Variants in FKBP4 observed in about 807,000 individuals in gnomAD.
FKBP4 encodes peptidyl-prolyl cis-trans isomerase FKBP4.
FKBP4 carries 28 observed loss-of-function variants against 54.1 expected under a neutral mutation model. The observed-to-expected ratio is 0.52, with a 90% confidence interval of 0.38 to 0.71. FKBP4 has a LOEUF of 0.71. Among genes scored for constraint, FKBP4 ranks in the 30% least tolerant of loss-of-function variants. The pLI, the probability that FKBP4 is intolerant of heterozygous loss-of-function variation, is 0.00. For missense variants in FKBP4, 493 were observed against 574.4 expected (o/e 0.86, Z 1.45); for synonymous variants, 223 against 216.1 (o/e 1.03, Z -0.28).
At position 2,795,116 on chromosome 12, in the gene FKBP4, G is replaced by C. The variant is rs11548614; in HGVS notation, c.-24G>C. On this transcript the variant is annotated 5_prime_UTR_variant, in exon 1 of 10. Transcript: ENST00000001008. This position sits in a 1 kb window ranked among gnomAD's most constrained non-coding sequence, Gnocchi z 4.3. ...TGCGCTCGCGCCGGCACCAGCTCCC[G>C]GATAAACGGCGCGCCGCGCGGAGAT... 3.9e-6 allele frequency: 5 copies of C among 1,287,860 alleles called. No individual in the cohort carries two copies. The highest frequency in any genetic ancestry group is 5.0e-6 in the Non-Finnish European group (5 of 1,007,000). The allele number at this position is 1,287,860 out of a possible 1,614,324, so 79.8% of individuals were successfully genotyped here. A position where few individuals can be genotyped will look rare whatever the true frequency, so the allele number is the denominator to read the frequency against.
chr12:2,802,649 C>T (rs1452487886), intron 9 of FKBP4, among the ~76,000 whole-genome samples: 1 of 152,240 alleles, frequency 6.6e-6, no homozygotes. Flanking sequence ...GTAGTGGCTA[C>T]CATACGGGAC....
At chr12:2,796,527 C>T (rs888594783) in intron 1 of FKBP4, 85 of 985,338 alleles carry the variant, frequency 8.6e-5, no homozygotes, top group Non-Finnish European at 1.0e-4. Context: ...AATACTCCAG[C>T]CCTGGACTAA....
At position 2,798,631 on chromosome 12, in the gene FKBP4, C is replaced by G; in HGVS notation, c.394-75C>G. On this transcript the variant is annotated intron_variant, in intron 3 of 9. Coordinates refer to ENST00000001008, the MANE Select transcript of FKBP4 (RefSeq NM_002014.4). The surrounding 1 kb of genome is among the most constrained non-coding windows in gnomAD (Gnocchi z 4.3). ...CGGCCTGGCAGTTAGTAGGGACTCTCTCGGATGAGAAAGATTGTGTTTCAC... is the reference window on the plus strand; with the variant it reads ...CGGCCTGGCAGTTAGTAGGGACTCTGTCGGATGAGAAAGATTGTGTTTCAC... The G allele has an allele frequency of 6.2e-7, 1 of 1,604,708 alleles. No homozygotes were observed. Among genetic ancestry groups the G allele is most frequent in the Non-Finnish European group, 8.5e-7 (1 of 1,175,198 alleles).
At chr12:2,797,412 T>TC (rs2153919385) in intron 2 of FKBP4, 130 bp downstream of exon 2, 2 of 1,038,038 alleles carry the variant, frequency 1.9e-6, no homozygotes, top group African/African-American at 2.0e-5. Flanking sequence ...TTTCGGTCAC[T>TC]CTTTTTTTTT....
At position 2,797,162 on chromosome 12, in the gene FKBP4, A is replaced by G; in HGVS notation, c.130A>G (p.Thr44Ala). 1 of 1,613,080 alleles carries G rather than the reference A, an allele frequency of 6.2e-7. No homozygotes were observed. The highest frequency in any genetic ancestry group is 1.3e-5 in the African/African-American group (1 of 75,004). ...GGTCATCAAGAGAGAGGGCACAGGTACAGAGATGCCCATGATTGGGGACCG... is the reference window on the plus strand; with the variant it reads ...GGTCATCAAGAGAGAGGGCACAGGTGCAGAGATGCCCATGATTGGGGACCG... ...LKVIKREGTGTEMPMIGDRVF... is the reference protein window; with the variant it reads ...LKVIKREGTGAEMPMIGDRVF... Residue 44 changes from threonine to alanine, a missense_variant, in exon 2 of 10, where the codon ACA (threonine) becomes GCA (alanine). Thr to Ala is a moderately conservative substitution (Grantham distance 58). Coordinates refer to ENST00000001008, the MANE Select transcript of FKBP4 (RefSeq NM_002014.4).
At chr12:2,796,855 G>T (rs2097902139) in intron 1 of FKBP4, 1 of 1,223,226 alleles carries the variant, frequency 8.2e-7, no homozygotes, top group African/African-American at 1.5e-5. Context: ...CAAATAAAGT[G>T]TGGAGAATTT....
At position 2,797,657 on chromosome 12, in the gene FKBP4, T is replaced by C. The variant is rs575073485; in HGVS notation, c.251-72T>C. 3.9e-6 allele frequency: 6 copies of C among 1,530,542 alleles called. No homozygotes were observed. The Admixed American group carries it at 1.2e-4, about 29-fold the overall frequency. 94.8% of individuals were successfully genotyped at this position (1,530,542 alleles called of 1,614,324 possible). A position where few individuals can be genotyped will look rare whatever the true frequency, so the allele number is the denominator to read the frequency against. ...TTCCCCATGAGTGTGGTGCAGTAAC[T>C]CTTCAGGAGCACTGTTTGAGCCCAG... On this transcript the variant is annotated intron_variant, in intron 2 of 9. Transcript: ENST00000001008.
chr12:2,796,793 T>C (rs1275031067), intron 1 of FKBP4: 1 of 1,083,076 alleles, frequency 9.2e-7, no homozygotes, highest in Non-Finnish European at 1.1e-6. Flanking sequence ...AACCTTTTAC[T>C]GGTCTAATCT....
At chr12:2,797,945 C>CAGGGCCCAATG in intron 3 of FKBP4, 74 bp downstream of exon 3, 1 of 1,527,956 alleles carries the variant, frequency 6.5e-7, no homozygotes, top group African/African-American at 1.4e-5. Context: ...TGCCCTCCAG[C>CAGGGCCCAATG]CCTTCCTGCT....
Position 2,799,886 on chromosome 12 carries a change from A to C in FKBP4, c.708A>C (p.Gln236His). 1 of 1,614,156 alleles carries C rather than the reference A, an allele frequency of 6.2e-7. No individual in the cohort carries two copies. The change falls in exon 6 of 10, where the codon CAA becomes CAC. Residue 236 changes from glutamine (Q) to histidine (H), a missense_variant. By Grantham distance (24) the Gln-to-His change is conservative (BLOSUM62 0). Transcript: ENST00000001008. Reference protein sequence around the residue: ...AFGSVGKEKFQIPPNAELKYE... With the variant: ...AFGSVGKEKFHIPPNAELKYE... The stretch of plus-strand genomic sequence containing the variant: ...GCAGTGTTGGGAAGGAAAAGTTCCA[A>C]ATCCCACCAAATGCTGAGCTGAAAT...
At position 2,801,138 on chromosome 12, in the gene FKBP4, A is replaced by G; in HGVS notation, c.1054A>G (p.Asn352Asp). ...CNKALELDSN[N>D]EKGLFRRGEA... Reference sequence around the variant, plus strand: ...TTAGGCCCTAGAACTGGACAGCAACAACGAGAAGGGCCTCTTCCGCCGGGG... The same window carrying G: ...TTAGGCCCTAGAACTGGACAGCAACGACGAGAAGGGCCTCTTCCGCCGGGG... Residue 352 changes from asparagine to aspartate, a missense_variant, in exon 9 of 10, where the codon AAC (asparagine) becomes GAC (aspartate). By Grantham distance (23) the Asn-to-Asp change is conservative. Coordinates refer to ENST00000001008, the MANE Select transcript of FKBP4 (RefSeq NM_002014.4). 6.2e-7 allele frequency: 1 copy of G among 1,613,898 alleles called. No individual in the cohort carries two copies. Among genetic ancestry groups the G allele is most frequent in the African/African-American group, 1.3e-5 (1 of 75,032 alleles).
In FKBP4 at chr12:2,805,074, A is replaced by T; in HGVS notation, c.*1816A>T. The stretch of plus-strand genomic sequence containing the variant: ...CACTAACTCAAGCATTTATGGAGTA[A>T]GCCTAGCACTGTACTGACAGCATCA... On this transcript the variant is annotated 3_prime_UTR_variant, in exon 10 of 10. Transcript: ENST00000001008. 2.6e-6 allele frequency: 1 copy of T among 383,048 alleles called. No homozygotes were observed. The highest frequency in any genetic ancestry group is 5.2e-6 in the Non-Finnish European group (1 of 193,452). The allele number at this position is 383,048 out of a possible 1,614,324, so 23.7% of individuals were successfully genotyped here. A position where few individuals can be genotyped will look rare whatever the true frequency, so the allele number is the denominator to read the frequency against.
At position 2,796,748 on chromosome 12, in the gene FKBP4, C is replaced by G; in HGVS notation, c.106-390C>G. ...AGGAGGAAGTGTGGCATAAATACTT[C>G]CCCCTTTGCCGATTATAATAATAAT... On this transcript the variant is annotated intron_variant, in intron 1 of 9. Coordinates refer to ENST00000001008, the MANE Select transcript of FKBP4 (RefSeq NM_002014.4). 3.8e-6 allele frequency: 4 copies of G among 1,063,266 alleles called. No homozygotes were observed. The South Asian group carries it at 8.7e-5, about 23-fold the overall frequency. The allele number at this position is 1,063,266 out of a possible 1,614,324, so 65.9% of individuals were successfully genotyped here. A position where few individuals can be genotyped will look rare whatever the true frequency, so the allele number is the denominator to read the frequency against.
At chr12:2,797,963 G>A (rs950336158) in intron 3 of FKBP4, 92 bp downstream of exon 3, 1 of 1,477,182 alleles carries the variant, frequency 6.8e-7, no homozygotes, top group African/African-American at 1.4e-5. Flanking sequence ...GCTTCTTGGA[G>A]ACAATGTAGC....
At position 2,805,208 on chromosome 12, in the gene FKBP4, G is replaced by T; in HGVS notation, c.*1950G>T. 6.6e-6 allele frequency: 3 copies of T among 455,986 alleles called. No homozygotes were observed. Among genetic ancestry groups the T allele is most frequent in the Non-Finnish European group, 1.3e-5 (3 of 226,776 alleles). The allele number at this position is 455,986 out of a possible 1,614,324, so 28.2% of individuals were successfully genotyped here. A position where few individuals can be genotyped will look rare whatever the true frequency, so the allele number is the denominator to read the frequency against. ...CTCAGAAGTTAAATGGAAAGGTGAG[G>T]TCTCTGAACTAATCCAGACTCTCCC... On this transcript the variant is annotated 3_prime_UTR_variant, in exon 10 of 10. Coordinates refer to ENST00000001008, the MANE Select transcript of FKBP4 (RefSeq NM_002014.4).
At chr12:2,796,931 C>T in intron 1 of FKBP4, 1 of 1,358,830 alleles carries the variant, frequency 7.4e-7, no homozygotes, top group Non-Finnish European at 9.5e-7. Flanking sequence ...CTTTTTCAAA[C>T]CAAGTCTTGC....
In FKBP4 at chr12:2,803,994, T is replaced by C. The variant is rs1603481822; in HGVS notation, c.*736T>C. 6.6e-6 allele frequency: 1 copy of C among 152,626 alleles called. No individual in the cohort carries two copies. The highest frequency in any genetic ancestry group is 1.5e-5 in the Non-Finnish European group (1 of 68,090). 9.5% of individuals were successfully genotyped at this position (152,626 alleles called of 1,614,324 possible). Reference sequence around the variant, plus strand: ...TCAGCCTTGGAGTGGTGGGTATGGGTGGGTACATAATGGGTAGTAGCACAA... The same window carrying C: ...TCAGCCTTGGAGTGGTGGGTATGGGCGGGTACATAATGGGTAGTAGCACAA... On this transcript the variant is annotated 3_prime_UTR_variant, in exon 10 of 10. Transcript: ENST00000001008.
At chr12:2,802,859 C>CT (rs1264457772) in intron 9 of FKBP4, among the ~76,000 whole-genome samples, 4 of 152,158 alleles carry the variant, frequency 2.6e-5, no homozygotes, top group Non-Finnish European at 5.9e-5. Context: ...TCCCGAGTAG[C>CT]TGGGACTACA....
At position 2,795,056 on chromosome 12, in the gene FKBP4, G is replaced by C. The variant is rs898364619; in HGVS notation, c.-84G>C. 2.5e-6 allele frequency: 2 copies of C among 807,894 alleles called. No individual in the cohort carries two copies. Among genetic ancestry groups the C allele is most frequent in the African/African-American group, 3.6e-5 (2 of 54,866 alleles). The allele number at this position is 807,894 out of a possible 1,614,324, so 50.0% of individuals were successfully genotyped here. A position where few individuals can be genotyped will look rare whatever the true frequency, so the allele number is the denominator to read the frequency against. ...TGCCGCCGCGCCCGGCCTCCCGCAC[G>C]CCCCGCAGGTAGCGCCCCCGCCCGC... is the stretch of plus-strand genomic sequence containing the variant. On this transcript the variant is annotated 5_prime_UTR_variant, in exon 1 of 10. Coordinates refer to ENST00000001008, the MANE Select transcript of FKBP4 (RefSeq NM_002014.4). This position sits in a 1 kb window ranked among gnomAD's most constrained non-coding sequence, Gnocchi z 4.3.
Sources: gnomAD v4.1 joint callset for allele counts (sites outside exome capture counted in the v4.1 genomes callset) on GRCh38, gnomAD v4.1.1 for gene constraint, Gnocchi (gnomAD v3.1) non-coding constraint, MANE v1.5 for transcripts, NCBI Gene and HGNC (gene_info 2026-07-23, HGNC 2026-07-21) for gene names.